KCNIP4: variants seen among roughly 807,000 people sequenced by gnomAD.
KCNIP4 encodes the protein potassium voltage-gated channel interacting protein 4, also known as Kv channel-interacting protein 4.
In KCNIP4, 12 loss-of-function variants were observed where a neutral mutation model predicts 34.0. That is an observed-to-expected ratio of 0.35 (90% CI 0.23 to 0.57). KCNIP4 has a LOEUF of 0.57. Among genes scored for constraint, KCNIP4 ranks in the 20% least tolerant of loss-of-function variants. The pLI is 0.83. For missense variants in KCNIP4, 238 were observed against 311.7 expected, an observed-to-expected ratio of 0.76 and a Z score of 1.78; for synonymous variants, 124 against 102.2, an observed-to-expected ratio of 1.21 and a Z score of -1.29.
At chr4:20,791,046 G>C (rs915259154) in intron 3 of KCNIP4, among the ~76,000 whole-genome samples, 3 of 152,122 alleles carry the variant, frequency 2.0e-5, no homozygotes, top group African/African-American at 7.2e-5. Flanking sequence ...CTAAAATAAA[G>C]TATGTTCTGG....
chr4:21,433,101 C>A (rs1726633720), intron 1 of KCNIP4, among the ~76,000 whole-genome samples: 1 of 152,046 alleles, frequency 6.6e-6, no homozygotes, highest in Non-Finnish European at 1.5e-5. Flanking sequence ...AAATTGTGTA[C>A]CAATATTATT....
At chr4:21,741,585 GA>G (rs1258606381) in intron 1 of KCNIP4, among the ~76,000 whole-genome samples, 1 of 152,106 alleles carries the variant, frequency 6.6e-6, no homozygotes, top group Non-Finnish European at 1.5e-5. Flanking sequence ...TAAAATTCCA[GA>G]AACTGGCTGA....
intron 1 of KCNIP4, among the ~76,000 whole-genome samples, chr4:21,918,712 T>TA (rs888304895): frequency 1.3e-5 from 2 of 151,894 alleles, no homozygotes; most frequent in African/African-American, 2.4e-5. Context: ...GCCATTCAGC[T>TA]AAAAAAAATA....
At chr4:21,872,406 T>G (rs1725871175) in intron 1 of KCNIP4, among the ~76,000 whole-genome samples, 1 of 152,124 alleles carries the variant, frequency 6.6e-6, no homozygotes, top group African/African-American at 2.4e-5. Flanking sequence ...GTTTTGATAA[T>G]CCCCTTTAAA....
At chr4:21,532,452 C>T (rs995260046) in intron 1 of KCNIP4, among the ~76,000 whole-genome samples, 10 of 152,068 alleles carry the variant, frequency 6.6e-5, no homozygotes, top group Non-Finnish European at 1.0e-4. Flanking sequence ...CAAGTTATTT[C>T]GAAATGCACA....
At chr4:21,109,589 G>C (rs189594796) in intron 1 of KCNIP4, among the ~76,000 whole-genome samples, 1 of 152,280 alleles carries the variant, frequency 6.6e-6, no homozygotes, top group Non-Finnish European at 1.5e-5. Flanking sequence ...TTTGGCTCGC[G>C]CATGGTGCGC....
intron 1 of KCNIP4, among the ~76,000 whole-genome samples, chr4:21,109,241 T>C (rs1163744345): frequency 1.3e-5 from 2 of 152,200 alleles, no homozygotes; most frequent in Non-Finnish European, 2.9e-5. Context: ...CCTTGAGCTG[T>C]GGTGGGCTCC....
chr4:21,016,971 C>T (rs1459378104), intron 1 of KCNIP4, among the ~76,000 whole-genome samples: 1 of 152,034 alleles, frequency 6.6e-6, no homozygotes, highest in African/African-American at 2.4e-5. Context: ...AATAGCAGCC[C>T]CCTTTTTTCT....
intron 1 of KCNIP4, among the ~76,000 whole-genome samples, chr4:21,325,030 T>G (rs1000035920): frequency 1.7e-4 from 26 of 151,976 alleles, no homozygotes; most frequent in African/African-American, 4.8e-4. Flanking sequence ...AATGGGATTA[T>G]TTTCTGGATT....
At chr4:21,817,291 A>T (rs1299395442) in intron 1 of KCNIP4, among the ~76,000 whole-genome samples, 2 of 152,154 alleles carry the variant, frequency 1.3e-5, no homozygotes, top group Admixed American at 1.3e-4. Flanking sequence ...TACTTTTATA[A>T]TTTCTTACAC....
intron 1 of KCNIP4, among the ~76,000 whole-genome samples, chr4:21,045,616 C>T (rs1326985852): frequency 1.3e-5 from 2 of 152,200 alleles, no homozygotes; most frequent in Admixed American, 6.5e-5. Flanking sequence ...GAACGTAGAT[C>T]GTGTAGAAAT....
intron 1 of KCNIP4, among the ~76,000 whole-genome samples, chr4:21,505,448 T>A (rs1364754574): frequency 6.6e-6 from 1 of 152,178 alleles, no homozygotes; most frequent in African/African-American, 2.4e-5. Context: ...AATATTGAAC[T>A]ATTCTAGTTT....
intron 1 of KCNIP4, among the ~76,000 whole-genome samples, chr4:21,864,789 A>G (rs1474314402): frequency 1.3e-5 from 2 of 152,314 alleles, no homozygotes; most frequent in Non-Finnish European, 1.5e-5. Context: ...AAAACTCCAA[A>G]GTCCCATGAA....
At chr4:21,337,972 G>A (rs976132420) in intron 1 of KCNIP4, among the ~76,000 whole-genome samples, 5 of 152,008 alleles carry the variant, frequency 3.3e-5, no homozygotes, top group African/African-American at 1.2e-4. Context: ...GCTGAAGACC[G>A]GCTCTATGGT....
intron 1 of KCNIP4, among the ~76,000 whole-genome samples, chr4:21,641,959 T>C (rs1004935221): frequency 2.6e-5 from 4 of 152,154 alleles, no homozygotes; most frequent in Admixed American, 6.5e-5. Context: ...GTTGATTACA[T>C]TGGACTGCTT....
chr4:21,465,203 A>G (rs1729812213), intron 1 of KCNIP4, among the ~76,000 whole-genome samples: 1 of 152,170 alleles, frequency 6.6e-6, no homozygotes, highest in Admixed American at 6.6e-5. Context: ...CTACTGTAAG[A>G]CAAGCCCTAA....
At chr4:21,486,560 A>G (rs1731929890) in intron 1 of KCNIP4, among the ~76,000 whole-genome samples, 1 of 152,176 alleles carries the variant, frequency 6.6e-6, no homozygotes, top group African/African-American at 2.4e-5. Flanking sequence ...CTAACCCTCC[A>G]TAATTTATTG....
chr4:21,383,828 C>T (rs1185468804), intron 1 of KCNIP4, among the ~76,000 whole-genome samples: 1 of 152,104 alleles, frequency 6.6e-6, no homozygotes, highest in Non-Finnish European at 1.5e-5. Flanking sequence ...CTTAAGTAGG[C>T]TTGGGGGCTT....
chr4:21,099,166 C>A (rs931908076), intron 1 of KCNIP4, among the ~76,000 whole-genome samples: 2 of 152,140 alleles, frequency 1.3e-5, no homozygotes, highest in Non-Finnish European at 2.9e-5. Flanking sequence ...AATACATGCA[C>A]ACACATGTTA....
Sources: allele counts gnomAD v4.1 joint callset (sites outside exome capture counted in the v4.1 genomes callset), GRCh38; gene constraint gnomAD v4.1.1; transcripts MANE v1.5; gene names NCBI Gene and HGNC (gene_info 2026-07-23, HGNC 2026-07-21).